Variants in MRTFA observed in about 807,000 individuals in gnomAD.
The protein encoded by MRTFA is myocardin-related transcription factor A.
MRTFA carries 20 observed loss-of-function variants against 83.5 expected under a neutral mutation model. The ratio of observed to expected loss-of-function variants is 0.24; its 90% confidence interval spans 0.17 to 0.35. The LOEUF is 0.35. Among genes scored for constraint, MRTFA ranks in the 10% least tolerant of loss-of-function variants. The pLI, the probability that MRTFA is intolerant of heterozygous loss-of-function variation, is 1.00. For missense variants in MRTFA, 1,200 were observed against 1,224.7 expected, an observed-to-expected ratio of 0.98 and a Z score of 0.30; for synonymous variants, 659 against 541.2, an observed-to-expected ratio of 1.22 and a Z score of -3.02.
At chr22:40,559,115 G>A (rs894595865) in intron 2 of MRTFA, among the ~76,000 whole-genome samples, 5 of 152,252 alleles carry the variant, frequency 3.3e-5, no homozygotes, top group African/African-American at 7.2e-5. Context: ...TCACCCAGGC[G>A]CGATGGCTCA....
At chr22:40,515,098 G>A (rs916141070) in intron 3 of MRTFA, among the ~76,000 whole-genome samples, 5 of 149,810 alleles carry the variant, frequency 3.3e-5, no homozygotes, top group East Asian at 4.1e-4. Context: ...TAGTAGAGAC[G>A]AGGTTTCACC....
intron 4 of MRTFA, among the ~76,000 whole-genome samples, chr22:40,453,214 C>T (rs987675213): frequency 1.3e-5 from 2 of 152,220 alleles, no homozygotes; most frequent in African/African-American, 4.8e-5. Flanking sequence ...TCAAATGCAA[C>T]TTAAACTAGG....
chr22:40,496,058 T>C (rs1009142097), intron 3 of MRTFA, among the ~76,000 whole-genome samples: 3 of 150,460 alleles, frequency 2.0e-5, no homozygotes, highest in African/African-American at 7.3e-5. Context: ...AGAATGAGAC[T>C]CAGTCTCAGA....
intron 3 of MRTFA, among the ~76,000 whole-genome samples, chr22:40,548,791 G>C (rs1203586428): frequency 6.6e-6 from 1 of 152,032 alleles, no homozygotes; most frequent in Non-Finnish European, 1.5e-5. Flanking sequence ...TTGAACCTGG[G>C]AGGCGGAGGT....
At chr22:40,418,225 A>G in intron 12 of MRTFA, 149 bp downstream of exon 12, 3 of 1,419,774 alleles carry the variant, frequency 2.1e-6, no homozygotes, top group South Asian at 3.0e-5. Flanking sequence ...TAACTTTCCT[A>G]AGTCTCAGTA....
intron 4 of MRTFA, among the ~76,000 whole-genome samples, chr22:40,452,087 G>A (rs1291220107): frequency 6.8e-6 from 1 of 146,302 alleles, no homozygotes; most frequent in African/African-American, 2.6e-5. Flanking sequence ...AGGTTCAAGT[G>A]ATTCTCCTGC....
intron 2 of MRTFA, among the ~76,000 whole-genome samples, chr22:40,558,061 C>A (rs1187281921): frequency 1.3e-5 from 2 of 151,068 alleles, no homozygotes; most frequent in African/African-American, 2.4e-5. Flanking sequence ...GGCATGAGAG[C>A]TCACCGAGTC....
intron 3 of MRTFA, among the ~76,000 whole-genome samples, chr22:40,476,639 A>G (rs2054001246): frequency 6.6e-6 from 1 of 151,944 alleles, no homozygotes; most frequent in Admixed American, 6.6e-5. Flanking sequence ...TTTTTTGTAC[A>G]GACAGGGTTT....
At chr22:40,530,496 C>T (rs1211396097) in intron 3 of MRTFA, among the ~76,000 whole-genome samples, 1 of 152,214 alleles carries the variant, frequency 6.6e-6, no homozygotes, top group Non-Finnish European at 1.5e-5. Flanking sequence ...GGGGTTTCAC[C>T]ATGTTGGCCA....
At chr22:40,510,310 T>G (rs1052605113) in intron 3 of MRTFA, among the ~76,000 whole-genome samples, 14 of 151,550 alleles carry the variant, frequency 9.2e-5, no homozygotes, top group African/African-American at 3.4e-4. Context: ...CCGGGAAAAC[T>G]AAAGGAAAGT....
intron 4 of MRTFA, among the ~76,000 whole-genome samples, chr22:40,457,628 G>A (rs2053620468): frequency 6.6e-6 from 1 of 151,910 alleles, no homozygotes; most frequent in Non-Finnish European, 1.5e-5. Context: ...CATTAGAAAT[G>A]AAAAAAACAA....
At chr22:40,565,732 AG>A (rs2147336303) in intron 2 of MRTFA, among the ~76,000 whole-genome samples, 1 of 152,296 alleles carries the variant, frequency 6.6e-6, no homozygotes, top group South Asian at 2.1e-4. Context: ...TACAATAAAA[AG>A]TTTTTGGATA....
chr22:40,635,223 G>T (rs1337246884), intron 1 of MRTFA, among the ~76,000 whole-genome samples: 1 of 152,166 alleles, frequency 6.6e-6, no homozygotes, highest in Non-Finnish European at 1.5e-5. Context: ...TGGGCCAGCT[G>T]GCTGTACCAC....
At chr22:40,589,757 G>A (rs1313434258) in intron 2 of MRTFA, among the ~76,000 whole-genome samples, 4 of 152,078 alleles carry the variant, frequency 2.6e-5, no homozygotes, top group African/African-American at 4.8e-5. Flanking sequence ...GGCCGGGCAC[G>A]GTGGCTCACA....
chr22:40,545,433 C>T (rs1371972072), intron 3 of MRTFA, among the ~76,000 whole-genome samples: 1 of 142,956 alleles, frequency 7.0e-6, no homozygotes, highest in African/African-American at 2.5e-5. Context: ...CACTGAATTC[C>T]TTTTTTTTTT....
At chr22:40,544,927 AAAAT>A (rs537218672) in intron 3 of MRTFA, among the ~76,000 whole-genome samples, 37 of 151,070 alleles carry the variant, frequency 2.4e-4, no homozygotes, top group Non-Finnish European at 4.3e-4. Flanking sequence ...ACTGTCTTGA[AAAAT>A]AAATAAATAA....
At chr22:40,496,406 G>A (rs1286385408) in intron 3 of MRTFA, among the ~76,000 whole-genome samples, 1 of 146,568 alleles carries the variant, frequency 6.8e-6, no homozygotes, top group Non-Finnish European at 1.5e-5. Context: ...CTGGGTGGTT[G>A]GAATAGAACA....
chr22:40,572,700 ACAG>A (rs2055813305), intron 2 of MRTFA, among the ~76,000 whole-genome samples: 1 of 152,216 alleles, frequency 6.6e-6, no homozygotes, highest in African/African-American at 2.4e-5. Flanking sequence ...CCTCACAATC[ACAG>A]CAGAAGGCAA....
chr22:40,536,449 G>A (rs1391322789), intron 3 of MRTFA, among the ~76,000 whole-genome samples: 16 of 147,828 alleles, frequency 1.1e-4, no homozygotes, highest in African/African-American at 3.7e-4. Flanking sequence ...CGGGCCCCGC[G>A]GGGCCCGAGG....
Sources: allele counts gnomAD v4.1 joint callset (sites outside exome capture counted in the v4.1 genomes callset), GRCh38; gene constraint gnomAD v4.1.1; transcripts MANE v1.5; gene names NCBI Gene and HGNC (gene_info 2026-07-23, HGNC 2026-07-21).